The following ULK4 variants were observed in gnomAD, a reference collection of about 807,000 sequenced individuals.
The protein encoded by ULK4 is unc-51 like kinase 4.
Under a neutral mutation model 160.6 loss-of-function variants are expected in ULK4, and 133 were observed. The observed-to-expected ratio is 0.83, with a 90% CI of 0.72 to 0.96. ULK4 has a LOEUF of 0.96. Ranked by LOEUF, ULK4 falls within the 40% of genes least tolerant of loss-of-function variation. The probability of loss-of-function intolerance (pLI) is 0.00; values close to 1 mark genes in which losing one functional copy is unlikely to be tolerated. For missense variants in ULK4, 1,580 were observed against 1,499.5 expected, an observed-to-expected ratio of 1.05 and a Z score of -0.89; for synonymous variants, 534 against 539.8, an observed-to-expected ratio of 0.99 and a Z score of 0.15.
chr3:41,488,150 C>T (rs541508842), intron 32 of ULK4, among the ~76,000 whole-genome samples: 1 of 152,300 alleles, frequency 6.6e-6, no homozygotes, highest in South Asian at 2.1e-4. Flanking sequence ...GAGAACAATA[C>T]ATAGAGAATA....
intron 29 of ULK4, among the ~76,000 whole-genome samples, chr3:41,674,341 G>A (rs1575556205): frequency 1.3e-5 from 2 of 152,180 alleles, no homozygotes; most frequent in East Asian, 3.9e-4. Context: ...TCTGAGAGGT[G>A]CTGATTTTAA....
intron 35 of ULK4, among the ~76,000 whole-genome samples, chr3:41,310,866 G>GCCTGTAGT (rs1473911636): frequency 6.6e-6 from 1 of 151,984 alleles, no homozygotes; most frequent in Non-Finnish European, 1.5e-5. Context: ...GGTGATATGT[G>GCCTGTAGT]CCTGTAGTCC....
At chr3:41,278,696 G>A (rs976015134) in intron 35 of ULK4, among the ~76,000 whole-genome samples, 4 of 152,154 alleles carry the variant, frequency 2.6e-5, no homozygotes, top group Non-Finnish European at 5.9e-5. Context: ...CAACAGACCT[G>A]CACCTGAGGG....
rs183654436 is a variant in ULK4 at position 41,301,218 on chromosome 3, C to A, written c.3679-51644G>T. On this transcript the variant is annotated intron_variant, in intron 35 of 36. Coordinates refer to ENST00000301831, the MANE Select transcript of ULK4 (RefSeq NM_017886.4). ...GAGATGGGGAAAAATCAATACCCTGCAGGGATGGTGCTGTTGATACAGAGA... is the reference window on the plus strand; with the variant it reads ...GAGATGGGGAAAAATCAATACCCTGAAGGGATGGTGCTGTTGATACAGAGA... Among the ~76,000 whole-genome samples, 617 of 152,188 alleles carry A rather than the reference C, an allele frequency of 4.1e-3. 5 individuals are homozygous for A. The highest frequency in any genetic ancestry group is 7.2e-3 in the Non-Finnish European group (489 of 68,020).
intron 32 of ULK4, among the ~76,000 whole-genome samples, chr3:41,475,507 A>C (rs2084114034): frequency 6.6e-6 from 1 of 152,220 alleles, no homozygotes; most frequent in Non-Finnish European, 1.5e-5. Flanking sequence ...CAAAAAAATA[A>C]GTATTTGAGA....
intron 17 of ULK4, among the ~76,000 whole-genome samples, chr3:41,855,242 T>C (rs199881478): frequency 7.3e-6 from 1 of 137,870 alleles, no homozygotes; most frequent in South Asian, 2.1e-4. Flanking sequence ...AAGAGAAACA[T>C]ACCCGTTTTC....
At chr3:41,353,964 C>G (rs1296204294) in intron 35 of ULK4, among the ~76,000 whole-genome samples, 3 of 152,230 alleles carry the variant, frequency 2.0e-5, no homozygotes, top group Admixed American at 1.3e-4. Context: ...GGCCTGCTAC[C>G]TAGTGTCTCA....
At chr3:41,672,979 A>G (rs550322005) in intron 29 of ULK4, among the ~76,000 whole-genome samples, 21 of 152,232 alleles carry the variant, frequency 1.4e-4, no homozygotes, top group African/African-American at 5.1e-4. Context: ...CTAGGACTAC[A>G]GGCACACATC....
intron 35 of ULK4, among the ~76,000 whole-genome samples, chr3:41,275,194 A>G (rs1023417039): frequency 1.3e-5 from 2 of 152,182 alleles, no homozygotes; most frequent in African/African-American, 4.8e-5. Context: ...AGAGTTACTC[A>G]TGTGTCATTG....
intron 24 of ULK4, 42 bp from the exon 25 acceptor site, chr3:41,715,335 T>C (rs2037230139): frequency 1.9e-6 from 3 of 1,611,826 alleles, no homozygotes; most frequent in East Asian, 4.5e-5. Flanking sequence ...CTGGAAGCTA[T>C]GTACAACGTT....
At chr3:41,276,033 A>C (rs1033025214) in intron 35 of ULK4, among the ~76,000 whole-genome samples, 2 of 152,236 alleles carry the variant, frequency 1.3e-5, no homozygotes, top group Non-Finnish European at 2.9e-5. Context: ...TAGGTAACAA[A>C]CAGGACTACT....
intron 35 of ULK4, among the ~76,000 whole-genome samples, chr3:41,395,268 T>TG (rs1291407880): frequency 6.6e-6 from 1 of 151,108 alleles, no homozygotes; most frequent in Non-Finnish European, 1.5e-5. Flanking sequence ...TAGCCAAATC[T>TG]GGGGCAGCCG....
At chr3:41,463,493 G>A (rs1575257841) in intron 32 of ULK4, among the ~76,000 whole-genome samples, 1 of 152,186 alleles carries the variant, frequency 6.6e-6, no homozygotes, top group Admixed American at 6.5e-5. Flanking sequence ...TTGATGCAAA[G>A]GTTCCAAACC....
chr3:41,892,170 T>C (rs1351466439), intron 16 of ULK4, among the ~76,000 whole-genome samples: 1 of 152,220 alleles, frequency 6.6e-6, no homozygotes, highest in African/African-American at 2.4e-5. Flanking sequence ...AAGGGGTTAA[T>C]ATCTAGAATA....
chr3:41,375,068 A>G (rs1189358223), intron 35 of ULK4, among the ~76,000 whole-genome samples: 2 of 152,104 alleles, frequency 1.3e-5, no homozygotes, highest in Non-Finnish European at 2.9e-5. Flanking sequence ...TAGGAATACA[A>G]TTTACAAGGG....
intron 32 of ULK4, among the ~76,000 whole-genome samples, chr3:41,527,902 C>T (rs910184497): frequency 6.6e-6 from 1 of 151,878 alleles, no homozygotes; most frequent in African/African-American, 2.4e-5. Flanking sequence ...ATAATATTTC[C>T]TTAAAGAAGA....
intron 19 of ULK4, among the ~76,000 whole-genome samples, chr3:41,814,125 G>T (rs1268044952): frequency 2.0e-5 from 3 of 152,194 alleles, no homozygotes; most frequent in Non-Finnish European, 4.4e-5. Context: ...GCTCGCAGGG[G>T]AGGCTCCAAA....
intron 35 of ULK4, among the ~76,000 whole-genome samples, chr3:41,387,428 A>G (rs942633212): frequency 6.6e-6 from 1 of 151,634 alleles, no homozygotes; most frequent in African/African-American, 2.4e-5. Flanking sequence ...AATGTGCAGG[A>G]TAGTTACATA....
chr3:41,282,393 C>G lies in ULK4; in HGVS notation c.3679-32819G>C, dbSNP rs536430704. 3.1e-3 allele frequency among the ~76,000 whole-genome samples: 471 copies of G among 152,312 alleles called. 3 individuals are homozygous for G. Among genetic ancestry groups the G allele is most frequent in the African/African-American group, 9.7e-3 (403 of 41,572 alleles). On this transcript the variant is annotated intron_variant, in intron 35 of 36. Coordinates refer to ENST00000301831, the MANE Select transcript of ULK4 (RefSeq NM_017886.4). ...CTGGAGGCATCATGCTACCTGACTT[C>G]AAACTATACTACAAGGCTACAGTAA...
Sources: gnomAD v4.1 joint callset for allele counts (sites outside exome capture counted in the v4.1 genomes callset) on GRCh38, gnomAD v4.1.1 for gene constraint, MANE v1.5 for transcripts, NCBI Gene and HGNC (gene_info 2026-07-23, HGNC 2026-07-21) for gene names.